SPMIP6: variants seen among roughly 807,000 people sequenced by gnomAD.
The protein encoded by SPMIP6 is sperm microtubule inner protein 6, also known as ciliated bronchial epithelial protein 1.
At chr9:34,381,173 T>C in the SPMIP6 span, 24 of 1,555,690 alleles carry the variant, frequency 1.5e-5, no homozygotes, top group Non-Finnish European at 2.1e-5. This position sits in a 1 kb window ranked among gnomAD's most constrained non-coding sequence, Gnocchi z 4.4. Context: ...CAAAGACAGA[T>C]GCACAGGGAT....
chr9:34,382,942 G>C, the SPMIP6 span: 6 of 1,025,946 alleles, frequency 5.8e-6, no homozygotes, highest in African/African-American at 1.6e-5. Context: ...TCCCCTACAT[G>C]TTTCTCTTCC....
At chr9:34,384,794 A>T in the SPMIP6 span, among the ~76,000 whole-genome samples, 2 of 152,236 alleles carry the variant, frequency 1.3e-5, no homozygotes, top group Non-Finnish European at 2.9e-5. Flanking sequence ...ACAGTTTCTC[A>T]TAAGGTATAA....
chr9:34,387,030 ATTTT>A, the SPMIP6 span, among the ~76,000 whole-genome samples: 83 of 140,168 alleles, frequency 5.9e-4, no homozygotes, highest in African/African-American at 8.5e-4. Flanking sequence ...GATCCTTATG[ATTTT>A]TTTTTTTTTT....
chr9:34,388,251 C>T, the SPMIP6 span, among the ~76,000 whole-genome samples: 1 of 151,354 alleles, frequency 6.6e-6, no homozygotes, highest in African/African-American at 2.4e-5. Flanking sequence ...AGTGATTCTC[C>T]TGCCTCAGCC....
At chr9:34,385,535 C>CAAG in the SPMIP6 span, 1 of 295,274 alleles carries the variant, frequency 3.4e-6, no homozygotes, top group African/African-American at 8.8e-5. Context: ...AACTCCGTCT[C>CAAG]AAAAAAAAAA....
At chr9:34,380,941 G>C in the SPMIP6 span, 11 of 1,599,180 alleles carry the variant, frequency 6.9e-6, no homozygotes, top group Non-Finnish European at 9.3e-6. Flanking sequence ...GGCGGCGGTC[G>C]GTGCAGGGCG....
At chr9:34,384,526 G>A in the SPMIP6 span, among the ~76,000 whole-genome samples, 1 of 152,182 alleles carries the variant, frequency 6.6e-6, no homozygotes, top group South Asian at 2.1e-4. Context: ...ATTGGTCTAG[G>A]AGGGTAAAGG....
the SPMIP6 span, among the ~76,000 whole-genome samples, chr9:34,394,756 A>G: frequency 6.6e-6 from 1 of 152,156 alleles, no homozygotes; most frequent in Non-Finnish European, 1.5e-5. Context: ...CAGCTAGTTT[A>G]AGGCTTAAAT....
the SPMIP6 span, among the ~76,000 whole-genome samples, chr9:34,394,900 A>G: frequency 2.0e-5 from 3 of 152,118 alleles, no homozygotes; most frequent in Non-Finnish European, 4.4e-5. Context: ...AGTTGTTTTG[A>G]AGCAACAGGG....
chr9:34,382,616 C>G, the SPMIP6 span: 2 of 652,848 alleles, frequency 3.1e-6, no homozygotes, highest in African/African-American at 3.7e-5. Flanking sequence ...TCTAGTTTCA[C>G]AGATGCGGAA....
At chr9:34,395,833 T>C in the SPMIP6 span, among the ~76,000 whole-genome samples, 2 of 152,234 alleles carry the variant, frequency 1.3e-5, no homozygotes, top group Admixed American at 6.5e-5. Flanking sequence ...ACCATCCATA[T>C]GGTGACCAAA....
chr9:34,391,427 T>G, the SPMIP6 span, among the ~76,000 whole-genome samples: 1 of 152,196 alleles, frequency 6.6e-6, no homozygotes, highest in African/African-American at 2.4e-5. Flanking sequence ...TCTCCATTCT[T>G]CTATTTTTCA....
chr9:34,397,149 T>G, the SPMIP6 span, among the ~76,000 whole-genome samples: 1 of 152,232 alleles, frequency 6.6e-6, no homozygotes, highest in Admixed American at 6.5e-5. Context: ...ATCTCATCTT[T>G]CCAGTCTCAG....
At chr9:34,381,209 G>A in the SPMIP6 span, 80 of 1,558,334 alleles carry the variant, frequency 5.1e-5, no homozygotes, top group African/African-American at 1.0e-3. This position sits in a 1 kb window ranked among gnomAD's most constrained non-coding sequence, Gnocchi z 4.4. Context: ...CACGGACAGA[G>A]TGAGGCGGAG....
chr9:34,391,841 C>A, the SPMIP6 span, among the ~76,000 whole-genome samples: 1 of 152,004 alleles, frequency 6.6e-6, no homozygotes, highest in Non-Finnish European at 1.5e-5. Flanking sequence ...GGGTTCAGGG[C>A]TTTATTTATG....
chr9:34,397,474 C>A, the SPMIP6 span: 1 of 1,613,798 alleles, frequency 6.2e-7, no homozygotes, highest in East Asian at 2.2e-5. Flanking sequence ...TCTGGCCTGC[C>A]CCTCCCCACC....
the SPMIP6 span, chr9:34,381,538 C>CACGG: frequency 6.4e-7 from 1 of 1,570,400 alleles, no homozygotes. This position sits in a 1 kb window ranked among gnomAD's most constrained non-coding sequence, Gnocchi z 4.4. Context: ...ATCGCCACGC[C>CACGG]GCAACTTCTC....
chr9:34,389,738 T>TA, the SPMIP6 span, among the ~76,000 whole-genome samples: 22 of 152,306 alleles, frequency 1.4e-4, no homozygotes, highest in South Asian at 3.9e-3. Context: ...TAAGTATTTT[T>TA]AAAAAAGTAT....
chr9:34,386,024 C>T, the SPMIP6 span, among the ~76,000 whole-genome samples: 6 of 152,184 alleles, frequency 3.9e-5, no homozygotes, highest in Admixed American at 1.3e-4. Context: ...GGTGGCCTTA[C>T]GTCAGAGTAG....
Sources: gnomAD v4.1 joint callset for allele counts (sites outside exome capture counted in the v4.1 genomes callset) on GRCh38, gnomAD v4.1.1 for gene constraint, Gnocchi (gnomAD v3.1) non-coding constraint, MANE v1.5 for transcripts, NCBI Gene and HGNC (gene_info 2026-07-23, HGNC 2026-07-21) for gene names.